The following USH1C variants were observed in gnomAD, a reference collection of about 807,000 sequenced individuals.
USH1C encodes harmonin.
A neutral mutation model predicts 119.3 loss-of-function variants in USH1C; 90 were observed. That is an observed-to-expected ratio of 0.75 (90% confidence interval 0.64 to 0.90). The LOEUF (loss-of-function observed/expected upper bound fraction) is 0.90. USH1C is among the 40% of genes least tolerant of loss of function. USH1C has a pLI of 0.00. For missense variants in USH1C, 1,165 were observed against 1,167.7 expected (o/e 1.00, Z 0.03); for synonymous variants, 465 against 443.3 (o/e 1.05, Z -0.62).
At position 17,521,357 on chromosome 11, in the gene USH1C, C is replaced by T. The variant is rs2133870221; in HGVS notation, c.1074G>A (p.Lys358=). ...GCCGAGGTACTCACTGTTCCATCTC[C>T]TTCCGGTATCTCTCATTTTCCTCTG... The part of the protein sequence containing the change: ...KAAEENERYR[K]EMEQIVEEEE... Residue 358 remains lysine (K), a synonymous_variant, in exon 13 of 27, where the codon AAG becomes AAA. Transcript: ENST00000005226. The T allele has an allele frequency of 2.5e-6, 4 of 1,614,176 alleles. No individual in the cohort carries two copies. The Admixed American group carries it at 5.0e-5, about 20-fold the overall frequency.
chr11:17,533,611 T>G, intron 1 of USH1C: 8 of 543,462 alleles, frequency 1.5e-5, no homozygotes, highest in East Asian at 1.2e-4. Flanking sequence ...TGAACACACA[T>G]AGGTACATAT....
At chr11:17,516,431 C>T (rs1591991036) in intron 14 of USH1C, 141 bp from the exon 15 acceptor site, 1 of 841,352 alleles carries the variant, frequency 1.2e-6, no homozygotes, top group Non-Finnish European at 2.0e-6. Flanking sequence ...AGCAAAACTG[C>T]ACCCTCTGTC....
At chr11:17,498,021 G>A in intron 24 of USH1C, 141 bp downstream of exon 24, 1 of 682,820 alleles carries the variant, frequency 1.5e-6, no homozygotes, top group African/African-American at 1.8e-5. Flanking sequence ...AGGCTGGATG[G>A]GGTATGGTGT....
intron 15 of USH1C, among the ~76,000 whole-genome samples, chr11:17,514,058 G>T (rs1004103748): frequency 5.3e-5 from 8 of 152,194 alleles, no homozygotes; most frequent in African/African-American, 1.9e-4. Flanking sequence ...AGTAGGGCTG[G>T]TCTGTGTGAG....
chr11:17,515,187 G>A (rs943996441), intron 15 of USH1C, among the ~76,000 whole-genome samples: 5 of 152,118 alleles, frequency 3.3e-5, no homozygotes, highest in African/African-American at 1.2e-4. Flanking sequence ...CCTGTCAAGG[G>A]AAACAGATAG....
At chr11:17,524,349 A>G in intron 9 of USH1C, 102 bp downstream of exon 9, 1 of 1,283,524 alleles carries the variant, frequency 7.8e-7, no homozygotes, top group South Asian at 1.3e-5. Context: ...GTGTCCACTG[A>G]AAGAGGGCCA....
chr11:17,516,171 A>G, intron 15 of USH1C, 70 bp downstream of exon 15: 1 of 1,535,436 alleles, frequency 6.5e-7, no homozygotes, highest in East Asian at 2.3e-5. Flanking sequence ...AGGACAAGGA[A>G]TGTTTGGGAA....
chr11:17,526,835 G>T, intron 6 of USH1C, 25 bp from the exon 7 acceptor site: 1 of 1,608,824 alleles, frequency 6.2e-7, no homozygotes, highest in Non-Finnish European at 8.5e-7. Context: ...AAATAGATGG[G>T]AGGGTGGTTA....
At chr11:17,501,266 C>A in intron 22 of USH1C, 116 bp from the exon 23 acceptor site, 1 of 1,044,968 alleles carries the variant, frequency 9.6e-7, no homozygotes, top group South Asian at 1.4e-5. Flanking sequence ...CATGGGGTCA[C>A]CGGCAGTGCC....
chr11:17,522,879 C>A lies in USH1C; in HGVS notation c.924G>T (p.Arg308=). 1 of 1,611,502 alleles carries A rather than the reference C, an allele frequency of 6.2e-7. No individual in the cohort carries two copies. The highest frequency in any genetic ancestry group is 1.7e-4 in the Middle Eastern group (1 of 6,040). ...MTDRERLAEA[R]QRELQRQELL... ...GCTCCTGCCGCTGCAGCTCACGCTG[C>A]CGCGCCTCTGCCAGCCGCTCCCGGT... Residue 308 remains arginine (R), a synonymous_variant, in exon 12 of 27, where the codon CGG becomes CGT. Coordinates refer to ENST00000005226, the MANE Select transcript of USH1C (RefSeq NM_153676.4).
intron 25 of USH1C, 45 bp downstream of exon 25, chr11:17,496,713 G>A: frequency 6.2e-7 from 1 of 1,611,690 alleles, no homozygotes; most frequent in Non-Finnish European, 8.5e-7. Context: ...TGAGATTCTG[G>A]AGAAGGAAGA....
chr11:17,507,068 G>A (rs1353285302), intron 18 of USH1C, among the ~76,000 whole-genome samples: 1 of 152,234 alleles, frequency 6.6e-6, no homozygotes, highest in African/African-American at 2.4e-5. Flanking sequence ...GCAGGCACAA[G>A]TGTCAAGCCA....
At chr11:17,499,827 T>C (rs1428426093) in intron 23 of USH1C, among the ~76,000 whole-genome samples, 1 of 152,214 alleles carries the variant, frequency 6.6e-6, no homozygotes, top group Non-Finnish European at 1.5e-5. Flanking sequence ...TTCCCATCCC[T>C]GTTTCCTGCC....
At chr11:17,507,897 A>G (rs1849711860) in intron 18 of USH1C, among the ~76,000 whole-genome samples, 1 of 152,232 alleles carries the variant, frequency 6.6e-6, no homozygotes, top group African/African-American at 2.4e-5. Context: ...ATCTTCAGTT[A>G]GAATGAATCC....
intron 18 of USH1C, among the ~76,000 whole-genome samples, chr11:17,506,745 C>T (rs1849665338): frequency 6.6e-6 from 1 of 152,240 alleles, no homozygotes; most frequent in South Asian, 2.1e-4. Flanking sequence ...TTCTGGAAGC[C>T]TCCCTTGAGC....
rs1395482688 is a variant in USH1C at position 17,509,829 on chromosome 11, C to T, written c.1540G>A (p.Gly514Arg). 1.3e-6 allele frequency: 2 copies of T among 1,594,344 alleles called. No homozygotes were observed. Among genetic ancestry groups the T allele is most frequent in the South Asian group, 1.1e-5 (1 of 90,302 alleles). The part of the protein sequence containing the change: ...ADNEISEMTT[G>R]PPPPPPSVSP... ...ACAGAAGGCGGGGGAGGCGGGGGCC[C>T]TGTGGTCATCTGGGGGTGTTGCAAG... is the stretch of plus-strand genomic sequence containing the variant. Residue 514 changes from glycine (G) to arginine (R), a missense_variant, in exon 18 of 27, where the codon GGG (glycine) becomes AGG (arginine). Physicochemically the swap from Gly to Arg is moderately radical, Grantham distance 125. Transcript: ENST00000005226.
chr11:17,534,860 C>T (rs1211758625), intron 1 of USH1C, among the ~76,000 whole-genome samples: 5 of 124,728 alleles, frequency 4.0e-5, no homozygotes, highest in African/African-American at 1.5e-4. Context: ...GGTGACAGAG[C>T]GAGACTCCAT....
intron 1 of USH1C, among the ~76,000 whole-genome samples, chr11:17,536,638 T>A (rs192507890): frequency 2.0e-5 from 3 of 152,306 alleles, no homozygotes; most frequent in African/African-American, 7.2e-5. Flanking sequence ...TTCGGCCTCA[T>A]GTCCACCCAC....
intron 23 of USH1C, among the ~76,000 whole-genome samples, chr11:17,498,930 A>G (rs972298811): frequency 1.3e-5 from 2 of 152,272 alleles, no homozygotes; most frequent in Non-Finnish European, 2.9e-5. Context: ...AGCACTTAAC[A>G]TAATGCCTGA....
Sources: gnomAD v4.1 joint callset for allele counts (sites outside exome capture counted in the v4.1 genomes callset) on GRCh38, gnomAD v4.1.1 for gene constraint, MANE v1.5 for transcripts, NCBI Gene and HGNC (gene_info 2026-07-23, HGNC 2026-07-21) for gene names.